GIGYF2: variants seen among roughly 807,000 people sequenced by gnomAD.
GIGYF2 encodes the protein GRB10 interacting GYF protein 2, also known as GRB10-interacting GYF protein 2.
Under a neutral mutation model 208.1 loss-of-function variants are expected in GIGYF2, and 25 were observed. The ratio of observed to expected loss-of-function variants is 0.12; its 90% CI spans 0.09 to 0.17. The LOEUF (loss-of-function observed/expected upper bound fraction) is 0.17. Ranked by LOEUF, GIGYF2 falls within the 10% of genes least tolerant of loss-of-function variation. The pLI is 1.00. For missense variants in GIGYF2, 1,302 were observed against 1,579.4 expected (o/e 0.82, Z 2.98); for synonymous variants, 534 against 543.8 (o/e 0.98, Z 0.25).
At chr2:232,778,026 A>G (rs1302572238) in intron 8 of GIGYF2, among the ~76,000 whole-genome samples, 4 of 151,996 alleles carry the variant, frequency 2.6e-5, no homozygotes, top group African/African-American at 9.7e-5. Flanking sequence ...AGCTCACTGC[A>G]GCCTCGACCT....
chr2:232,781,527 G>A (rs1384060841), intron 8 of GIGYF2, among the ~76,000 whole-genome samples: 1 of 151,982 alleles, frequency 6.6e-6, no homozygotes. Context: ...ATAATTTCTA[G>A]AATAAAATTT....
intron 2 of GIGYF2, among the ~76,000 whole-genome samples, chr2:232,708,103 G>A (rs1696211272): frequency 6.6e-6 from 1 of 152,038 alleles, no homozygotes; most frequent in Admixed American, 6.6e-5. Context: ...TAGGAGTACA[G>A]GCATACACCA....
At chr2:232,850,049 C>T (rs966510540) in intron 27 of GIGYF2, among the ~76,000 whole-genome samples, 1 of 152,208 alleles carries the variant, frequency 6.6e-6, no homozygotes, top group African/African-American at 2.4e-5. Context: ...TGTGGAGGCA[C>T]TGAGCCCTGA....
rs1372617692 is a variant in GIGYF2 at position 232,806,841 on chromosome 2, G to A, written c.1806+184G>A. The stretch of plus-strand genomic sequence containing the variant: ...AGCTATAATGATCTTTTCAAAACTC[G>A]AATAACCTGTGCCCATCCTCTTCAC... On this transcript the variant is annotated intron_variant, in intron 15 of 28. Transcript: ENST00000373563. This position sits in a 1 kb window ranked among gnomAD's most constrained non-coding sequence, Gnocchi z 4.0. Among the ~76,000 whole-genome samples, 1 of 118,348 alleles carries A rather than the reference G, an allele frequency of 8.4e-6. No individual in the cohort carries two copies. The highest frequency in any genetic ancestry group is 2.6e-5 in the African/African-American group (1 of 37,984). 77.6% of individuals were successfully genotyped at this position (118,348 alleles called of 152,430 possible).
chr2:232,721,379 G>A (rs770038438), intron 2 of GIGYF2, among the ~76,000 whole-genome samples: 8 of 151,996 alleles, frequency 5.3e-5, no homozygotes, highest in Non-Finnish European at 7.4e-5. Flanking sequence ...CCTCTCCCTC[G>A]TGTTCATAAG....
intron 8 of GIGYF2, among the ~76,000 whole-genome samples, chr2:232,781,795 A>G (rs283484): frequency 0.32 from 48,667 of 152,068 alleles, 8,155 homozygotes; most frequent in South Asian, 0.62. Flanking sequence ...TGAGTGAACC[A>G]TTAAGAATCA....
chr2:232,833,125 C>T (rs1025846690), intron 22 of GIGYF2, 32 bp downstream of exon 22: 2 of 1,478,566 alleles, frequency 1.4e-6, no homozygotes, highest in East Asian at 2.5e-5. Flanking sequence ...TTAGGAGCTC[C>T]TTGCTAACAT....
chr2:232,759,549 A>G (rs551979112), intron 6 of GIGYF2, among the ~76,000 whole-genome samples: 29 of 152,284 alleles, frequency 1.9e-4, no homozygotes, highest in African/African-American at 6.5e-4. Flanking sequence ...TTTTATATGC[A>G]TCATTCTTCA....
At chr2:232,855,080 CTTTTTTTT>C (rs201395041) in intron 28 of GIGYF2, among the ~76,000 whole-genome samples, 2 of 109,190 alleles carry the variant, frequency 1.8e-5, no homozygotes, top group Non-Finnish European at 1.8e-5. Flanking sequence ...CTTTTTCTTT[CTTTTTTTT>C]TTTTTTTTTT....
intron 21 of GIGYF2, among the ~76,000 whole-genome samples, chr2:232,829,293 T>C (rs560948185): frequency 6.6e-6 from 1 of 152,316 alleles, no homozygotes; most frequent in South Asian, 2.1e-4. Context: ...TTAAAGTCTA[T>C]TAAATTGACG....
chr2:232,709,460 GC>G (rs1304894799), intron 2 of GIGYF2, among the ~76,000 whole-genome samples: 1 of 152,114 alleles, frequency 6.6e-6, no homozygotes, highest in Non-Finnish European at 1.5e-5. Flanking sequence ...AGTAACTGGG[GC>G]TATACGCGCG....
intron 8 of GIGYF2, chr2:232,765,596 T>C (rs950663420): frequency 6.4e-6 from 1 of 156,586 alleles, no homozygotes; most frequent in Admixed American, 6.3e-5. Context: ...CAGTAGGAAT[T>C]GATTGTGCAC....
At chr2:232,710,060 T>C (rs1696316202) in intron 2 of GIGYF2, among the ~76,000 whole-genome samples, 1 of 151,924 alleles carries the variant, frequency 6.6e-6, no homozygotes, top group Non-Finnish European at 1.5e-5. Context: ...CCCGGGTTCA[T>C]GCCATTCTTC....
intron 3 of GIGYF2, among the ~76,000 whole-genome samples, chr2:232,737,756 T>A (rs576075525): frequency 5.7e-4 from 86 of 152,170 alleles, no homozygotes; most frequent in Middle Eastern, 3.4e-3. Flanking sequence ...CGGTGTTTAT[T>A]AAGGTCATCA....
intron 2 of GIGYF2, chr2:232,731,224 C>T (rs1258299566): frequency 6.6e-6 from 1 of 152,150 alleles, no homozygotes; most frequent in African/African-American, 2.4e-5. Flanking sequence ...TTTTGTACTT[C>T]CAGAACCTAT....
intron 19 of GIGYF2, 200 bp downstream of exon 19, chr2:232,815,937 C>T (rs1323768615): frequency 1.8e-6 from 1 of 566,326 alleles, no homozygotes; most frequent in African/African-American, 1.9e-5. Flanking sequence ...ATTTAAATTA[C>T]TATGTTTGGT....
chr2:232,783,908 G>A (rs1044883845), intron 8 of GIGYF2, among the ~76,000 whole-genome samples: 3 of 151,996 alleles, frequency 2.0e-5, no homozygotes, highest in African/African-American at 4.8e-5. Flanking sequence ...GGCTGGTCTC[G>A]AACTTCTGAC....
chr2:232,773,439 A>T (rs753624005), intron 8 of GIGYF2, among the ~76,000 whole-genome samples: 1 of 152,168 alleles, frequency 6.6e-6, no homozygotes, highest in Admixed American at 6.6e-5. Flanking sequence ...TTGGATGGTT[A>T]TTCAAGTCTA....
chr2:232,814,481 T>C lies in GIGYF2; in HGVS notation c.2108-1156T>C, dbSNP rs564878951. 3.0e-3 allele frequency among the ~76,000 whole-genome samples: 446 copies of C among 147,812 alleles called. 5 individuals are homozygous for C. The highest frequency in any genetic ancestry group is 0.011 in the African/African-American group (425 of 40,286). On this transcript the variant is annotated intron_variant, in intron 18 of 28. Coordinates refer to ENST00000373563, the MANE Select transcript of GIGYF2 (RefSeq NM_001103146.3). ...CGGAGGCTGAGGCAGGAGAATCGCTTGAACCCTGGAGGCGGAGGTTGCAGT... is the reference window on the plus strand; with the variant it reads ...CGGAGGCTGAGGCAGGAGAATCGCTCGAACCCTGGAGGCGGAGGTTGCAGT...
Sources: gnomAD v4.1 joint callset for allele counts (sites outside exome capture counted in the v4.1 genomes callset) on GRCh38, gnomAD v4.1.1 for gene constraint, Gnocchi (gnomAD v3.1) non-coding constraint, MANE v1.5 for transcripts, NCBI Gene and HGNC (gene_info 2026-07-23, HGNC 2026-07-21) for gene names.